ZC3H12B: variants seen among roughly 807,000 people sequenced by gnomAD.
ZC3H12B encodes the protein probable ribonuclease ZC3H12B.
In ZC3H12B, 7 loss-of-function variants were observed where a neutral mutation model predicts 43.9. The observed-to-expected ratio is 0.16, with a 90% CI of 0.09 to 0.30. ZC3H12B has a LOEUF of 0.30. Ranked by LOEUF, ZC3H12B falls within the 10% of genes least tolerant of loss-of-function variation. The probability of loss-of-function intolerance (pLI) is 1.00; values close to 1 mark genes in which losing one functional copy is unlikely to be tolerated. For synonymous variants in ZC3H12B, 222 were observed against 241.7 expected (o/e 0.92, Z 0.76); for missense variants, 475 against 670.2 (o/e 0.71, Z 3.22).
intron 1 of ZC3H12B, among the ~76,000 whole-genome samples, chrX:65,493,021 T>G (rs997819141): frequency 9.0e-6 from 1 of 111,131 alleles, no homozygotes; most frequent in African/African-American, 3.3e-5. Flanking sequence ...GAGAATCGCT[T>G]GAGCCCAGGG....
chrX:65,191,991 G>T, the ZC3H12B span, among the ~76,000 whole-genome samples: 11 of 108,522 alleles, frequency 1.0e-4, no homozygotes, highest in East Asian at 1.4e-3. Flanking sequence ...AGAGATTCTG[G>T]TATGTTGTGT....
the ZC3H12B span, among the ~76,000 whole-genome samples, chrX:65,292,993 A>G: frequency 8.9e-6 from 1 of 112,436 alleles, no homozygotes; most frequent in Non-Finnish European, 1.9e-5. Context: ...CAAAAAATAC[A>G]ATAAAATAAC....
At chrX:65,456,007 G>C (rs1273847816) in intron 3 of ZC3H12B, among the ~76,000 whole-genome samples, 4 of 111,851 alleles carry the variant, frequency 3.6e-5, no homozygotes, top group Admixed American at 9.5e-5. Context: ...CAAATGGTAT[G>C]AGCCACTGCA....
chrX:65,123,377 C>T, the ZC3H12B span, among the ~76,000 whole-genome samples: 1 of 111,197 alleles, frequency 9.0e-6, no homozygotes, highest in Non-Finnish European at 1.9e-5. Context: ...GGATATTGTT[C>T]TAAAATTCTC....
the ZC3H12B span, among the ~76,000 whole-genome samples, chrX:65,108,292 T>G: frequency 8.9e-6 from 1 of 111,811 alleles, no homozygotes; most frequent in South Asian, 3.7e-4. Context: ...TTAAAAACAT[T>G]TTAATTTTTT....
chrX:65,315,511 G>T, the ZC3H12B span, among the ~76,000 whole-genome samples: 1 of 111,530 alleles, frequency 9.0e-6, no homozygotes, highest in Non-Finnish European at 1.9e-5. Flanking sequence ...CCTAGTAGCA[G>T]CCCCCCAGAG....
the ZC3H12B span, among the ~76,000 whole-genome samples, chrX:65,160,934 G>T: frequency 9.0e-6 from 1 of 110,973 alleles, no homozygotes; most frequent in Non-Finnish European, 1.9e-5. Flanking sequence ...TGCTTTGAAT[G>T]TGTCCCAGAG....
At chrX:65,499,717 CAACAAAGGG>C (rs1475585952) in intron 3 of ZC3H12B, among the ~76,000 whole-genome samples, 157 bp from the exon 9 acceptor site, 4 of 111,377 alleles carry the variant, frequency 3.6e-5, no homozygotes, top group Non-Finnish European at 7.5e-5. Context: ...GATAAAGTGG[CAACAAAGGG>C]AAGAACTGCT....
intron 2 of ZC3H12B, among the ~76,000 whole-genome samples, chrX:65,376,266 AC>A (rs1309228159): frequency 4.5e-5 from 5 of 112,217 alleles, no homozygotes; most frequent in African/African-American, 1.6e-4. Context: ...GTACAATAGC[AC>A]AGGTAGATTT....
the ZC3H12B span, among the ~76,000 whole-genome samples, chrX:65,172,207 T>C: frequency 3.5e-5 from 4 of 112,870 alleles, no homozygotes; most frequent in Non-Finnish European, 7.5e-5. Context: ...CTTTTTTTCA[T>C]ATGTTTATTG....
At chrX:65,424,295 C>T (rs1002468630) in intron 3 of ZC3H12B, among the ~76,000 whole-genome samples, 1 of 111,909 alleles carries the variant, frequency 8.9e-6, no homozygotes, top group Non-Finnish European at 1.9e-5. Context: ...ATGTGCTTTG[C>T]CTATTTTTTA....
chrX:65,126,783 A>G, the ZC3H12B span, among the ~76,000 whole-genome samples: 40 of 102,218 alleles, frequency 3.9e-4, no homozygotes, highest in African/African-American at 1.4e-3. Context: ...GTTCAATTCT[A>G]TTGCTGAGAC....
chrX:65,232,123 C>T, the ZC3H12B span, among the ~76,000 whole-genome samples: 1 of 110,506 alleles, frequency 9.0e-6, no homozygotes, highest in East Asian at 2.8e-4. Flanking sequence ...TGCCTGTAGT[C>T]CCAGCTACTT....
the ZC3H12B span, among the ~76,000 whole-genome samples, chrX:65,188,358 ATTT>A: frequency 4.6e-4 from 35 of 75,820 alleles, no homozygotes; most frequent in African/African-American, 1.5e-3. Context: ...TGGTTGCTCT[ATTT>A]TTTTTTTTTT....
the ZC3H12B span, among the ~76,000 whole-genome samples, chrX:65,121,397 G>T: frequency 6.3e-5 from 7 of 111,520 alleles, no homozygotes; most frequent in African/African-American, 2.3e-4. Context: ...ATGTGTCAAG[G>T]AATTTATCCA....
At chrX:65,158,394 G>T in the ZC3H12B span, among the ~76,000 whole-genome samples, 1 of 111,486 alleles carries the variant, frequency 9.0e-6, no homozygotes, top group African/African-American at 3.3e-5. Flanking sequence ...CACCAACAGT[G>T]TAAAAGTGTT....
At chrX:65,179,447 G>A in the ZC3H12B span, among the ~76,000 whole-genome samples, 3 of 109,887 alleles carry the variant, frequency 2.7e-5, no homozygotes, top group Non-Finnish European at 3.8e-5. Context: ...AGAAGCAAGG[G>A]CAAACAAATT....
At chrX:65,447,244 A>G (rs749972020) in intron 3 of ZC3H12B, among the ~76,000 whole-genome samples, 1 of 111,692 alleles carries the variant, frequency 9.0e-6, no homozygotes, top group African/African-American at 3.3e-5. Flanking sequence ...ATCTGACTAG[A>G]TAATGTCAAA....
the ZC3H12B span, among the ~76,000 whole-genome samples, chrX:65,105,576 CA>C: frequency 3.6e-5 from 4 of 110,938 alleles, no homozygotes; most frequent in South Asian, 1.5e-3. Context: ...GGTCATGGCT[CA>C]CTGGTTGGTA....
Sources: gnomAD v4.1 joint callset for allele counts (sites outside exome capture counted in the v4.1 genomes callset) on GRCh38, gnomAD v4.1.1 for gene constraint, MANE v1.5 for transcripts, NCBI Gene and HGNC (gene_info 2026-07-23, HGNC 2026-07-21) for gene names.